The following EPHA8 variants were observed in gnomAD, a reference collection of about 807,000 sequenced individuals.
The protein encoded by EPHA8 is EPH receptor A8, also known as ephrin type-A receptor 8.
In EPHA8, 58 loss-of-function variants were observed where a neutral mutation model predicts 103.6. The observed-to-expected ratio is 0.56, with a 90% confidence interval of 0.45 to 0.70. The LOEUF is 0.70. EPHA8 is among the 30% of genes least tolerant of loss of function. The probability of loss-of-function intolerance (pLI) is 0.00; values close to 1 mark genes in which losing one functional copy is unlikely to be tolerated. For synonymous variants in EPHA8, 559 were observed against 572.5 expected (o/e 0.98, Z 0.34); for missense variants, 1,304 against 1,395.2 (o/e 0.93, Z 1.04).
In EPHA8 at chr1:22,570,365, CGT is replaced by C. The variant is rs201440003; in HGVS notation, c.159+1016_159+1017del. Among the ~76,000 whole-genome samples, 110 of 102,108 alleles carry C rather than the reference CGT, an allele frequency of 1.1e-3. 2 individuals carry two copies. The East Asian group carries it at 0.021, about 20-fold the overall frequency. The allele number at this position is 102,108 out of a possible 152,430, so 67.0% of individuals were successfully genotyped here. A position where few individuals can be genotyped will look rare whatever the true frequency, so the allele number is the denominator to read the frequency against. On this transcript the variant is annotated intron_variant, in intron 2 of 16. Transcript: ENST00000166244. The stretch of plus-strand genomic sequence containing the variant: ...ATGCGTGGGTACACACATGCACACA[CGT>C]GTGCGCGTACACACACGCGCGCGCG...
intron 3 of EPHA8, among the ~76,000 whole-genome samples, chr1:22,582,885 T>G (rs1224670388): frequency 6.6e-6 from 1 of 152,250 alleles, no homozygotes; most frequent in African/African-American, 2.4e-5. Context: ...TTCGCGGCCC[T>G]AATCATCTTT....
In EPHA8 at chr1:22,589,024, C is replaced by T. The variant is rs918958008; in HGVS notation, c.1133C>T (p.Ala378Val). The change falls in exon 5 of 17, where the codon GCA becomes GTA. Residue 378 changes from alanine to valine, a missense_variant. By Grantham distance (64) the Ala-to-Val change is moderately conservative. Transcript: ENST00000166244. This position sits in a 1 kb window ranked among gnomAD's most constrained non-coding sequence, Gnocchi z 4.3. ...RCPWALSRCE[A>V]CGSGTRFVPQ... ...CCCTGGGCACTGAGCCGCTGCGAGG[C>T]ATGTGGGAGCGGCACCCGCTTTGTG... is the stretch of plus-strand genomic sequence containing the variant. 2 of 1,612,752 alleles carry T rather than the reference C, an allele frequency of 1.2e-6. No individual in the cohort carries two copies. The highest frequency in any genetic ancestry group is 1.1e-5 in the South Asian group (1 of 90,940).
At chr1:22,577,360 A>G (rs1482869222) in intron 3 of EPHA8, among the ~76,000 whole-genome samples, 1 of 152,198 alleles carries the variant, frequency 6.6e-6, no homozygotes, top group Non-Finnish European at 1.5e-5. Flanking sequence ...AACTTGCCCA[A>G]GGTCATGCAG....
intron 3 of EPHA8, among the ~76,000 whole-genome samples, chr1:22,578,163 AGTGTAT>A (rs1640818949): frequency 4.5e-5 from 3 of 66,600 alleles, no homozygotes; most frequent in Admixed American, 1.6e-4. Flanking sequence ...TGTGTGCATG[AGTGTAT>A]GTGTGCATGT....
chr1:22,594,048 G>A (rs918743235), intron 7 of EPHA8, among the ~76,000 whole-genome samples: 5 of 152,222 alleles, frequency 3.3e-5, no homozygotes, highest in African/African-American at 1.2e-4. Context: ...GGCCAGGCTG[G>A]TCTCGAACAC....
At chr1:22,582,807 A>G (rs1641081870) in intron 3 of EPHA8, among the ~76,000 whole-genome samples, 1 of 152,238 alleles carries the variant, frequency 6.6e-6, no homozygotes, top group African/African-American at 2.4e-5. Context: ...CCAGCGGAGC[A>G]GCAGCTCAGA....
chr1:22,564,432 A>G (rs1569936501), intron 1 of EPHA8, among the ~76,000 whole-genome samples: 3 of 130,918 alleles, frequency 2.3e-5, no homozygotes, highest in Non-Finnish European at 3.2e-5. Flanking sequence ...TGGGGAGGAG[A>G]GGGCTGGGGG....
chr1:22,565,518 G>A (rs879861081), intron 1 of EPHA8, among the ~76,000 whole-genome samples: 4 of 152,306 alleles, frequency 2.6e-5, no homozygotes, highest in Non-Finnish European at 2.9e-5. Flanking sequence ...GGGACAGTTC[G>A]TTTGCCCAGC....
chr1:22,572,096 G>C (rs1640558578), intron 2 of EPHA8, among the ~76,000 whole-genome samples: 1 of 152,182 alleles, frequency 6.6e-6, no homozygotes, highest in Admixed American at 6.5e-5. Context: ...GGAACCTCTG[G>C]AGATGGTCCT....
At chr1:22,595,087 G>A (rs1305476483) in intron 7 of EPHA8, 143 bp from the exon 8 acceptor site, 5 of 560,876 alleles carry the variant, frequency 8.9e-6, no homozygotes, top group South Asian at 3.3e-5. Context: ...ACTGGCCTGC[G>A]CCCTGACTCT....
intron 3 of EPHA8, among the ~76,000 whole-genome samples, chr1:22,578,665 ATG>A (rs1004800609): frequency 2.9e-5 from 4 of 139,776 alleles, no homozygotes; most frequent in Non-Finnish European, 4.6e-5. Context: ...ATGTGAGTGT[ATG>A]TATGCATTTG....
Position 22,576,333 on chromosome 1 carries a change from C to T in EPHA8, c.276C>T (p.Asp92=), listed in dbSNP as rs145476843. ...TGCGCACGAGCTGGGTCCCCCGAGACGGCGCCCGGCGCGTCTATGCTGAGA... is the reference window on the plus strand; with the variant it reads ...TGCGCACGAGCTGGGTCCCCCGAGATGGCGCCCGGCGCGTCTATGCTGAGA... ...NWLRTSWVPR[D]GARRVYAEIK... The change falls in exon 3 of 17, where the codon GAC becomes GAT. Residue 92 remains aspartate (D), a synonymous_variant. Transcript: ENST00000166244. The surrounding 1 kb of genome is among the most constrained non-coding windows in gnomAD (Gnocchi z 4.8). 4.6e-4 allele frequency: 744 copies of T among 1,613,820 alleles called. 1 individual carries two copies. Among genetic ancestry groups the T allele is most frequent in the Middle Eastern group, 1.8e-3 (11 of 6,062 alleles).
At position 22,597,956 on chromosome 1, in the gene EPHA8, C is replaced by G. The variant is rs997020194; in HGVS notation, c.2116+95C>G. The stretch of plus-strand genomic sequence containing the variant: ...CCCTCATCCATCCTGCTCTGCCCCA[C>G]CTGACCCTGTCCTCTTGGTTCAGGT... On this transcript the variant is annotated intron_variant, in intron 11 of 16. Coordinates refer to ENST00000166244, the MANE Select transcript of EPHA8 (RefSeq NM_020526.5). The surrounding 1 kb of genome is among the most constrained non-coding windows in gnomAD (Gnocchi z 4.6). 6 of 1,505,362 alleles carry G rather than the reference C, an allele frequency of 4.0e-6. No homozygotes were observed. The highest frequency in any genetic ancestry group is 5.4e-6 in the Non-Finnish European group (6 of 1,102,360). 93.3% of individuals were successfully genotyped at this position (1,505,362 alleles called of 1,614,324 possible).
At chr1:22,585,267 A>G (rs1641171099) in intron 3 of EPHA8, among the ~76,000 whole-genome samples, 1 of 152,068 alleles carries the variant, frequency 6.6e-6, no homozygotes, top group Admixed American at 6.5e-5. Flanking sequence ...CAAGGCTCCA[A>G]GTGGGTTTTG....
intron 2 of EPHA8, among the ~76,000 whole-genome samples, chr1:22,570,211 A>G (rs542459685): frequency 6.6e-6 from 1 of 152,180 alleles, no homozygotes; most frequent in Non-Finnish European, 1.5e-5. Context: ...CTGTCACATG[A>G]ACTTCCTCTC....
chr1:22,568,549 A>T (rs1640434376), intron 1 of EPHA8, among the ~76,000 whole-genome samples: 1 of 152,214 alleles, frequency 6.6e-6, no homozygotes, highest in South Asian at 2.1e-4. Context: ...TATCTGTAAA[A>T]TGGAGGTAAT....
chr1:22,570,296 A>G (rs1399354242), intron 2 of EPHA8, among the ~76,000 whole-genome samples: 2 of 149,972 alleles, frequency 1.3e-5, no homozygotes, highest in African/African-American at 5.0e-5. Context: ...GTACACACAC[A>G]TGCACACGTG....
At chr1:22,568,800 T>A (rs898061534) in intron 1 of EPHA8, among the ~76,000 whole-genome samples, 4 of 152,236 alleles carry the variant, frequency 2.6e-5, no homozygotes, top group Admixed American at 2.6e-4. Flanking sequence ...GGACCTTGAA[T>A]GCCATCATGG....
intron 1 of EPHA8, among the ~76,000 whole-genome samples, chr1:22,568,077 A>G (rs1343859944): frequency 1.3e-5 from 2 of 152,216 alleles, no homozygotes; most frequent in African/African-American, 2.4e-5. Context: ...CACAAGGGAC[A>G]TGGAGAGAGG....
Sources: gnomAD v4.1 joint callset for allele counts (sites outside exome capture counted in the v4.1 genomes callset) on GRCh38, gnomAD v4.1.1 for gene constraint, Gnocchi (gnomAD v3.1) non-coding constraint, MANE v1.5 for transcripts, NCBI Gene and HGNC (gene_info 2026-07-23, HGNC 2026-07-21) for gene names.